Variants in MVB12B observed in about 807,000 individuals in gnomAD.
The protein encoded by MVB12B is multivesicular body subunit 12B.
In MVB12B, 16 loss-of-function variants were observed where a neutral mutation model predicts 41.6. The ratio of observed to expected loss-of-function variants is 0.38; its 90% CI spans 0.26 to 0.58. MVB12B has a LOEUF of 0.58. Among genes scored for constraint, MVB12B ranks in the 20% least tolerant of loss-of-function variants. MVB12B has a pLI of 0.62. For missense variants in MVB12B, 274 were observed against 380.2 expected, an observed-to-expected ratio of 0.72 and a Z score of 2.32; for synonymous variants, 133 against 139.7, an observed-to-expected ratio of 0.95 and a Z score of 0.34.
At chr9:126,422,783 A>G (rs1188446583) in intron 7 of MVB12B, among the ~76,000 whole-genome samples, 1 of 152,228 alleles carries the variant, frequency 6.6e-6, no homozygotes, top group African/African-American at 2.4e-5. Context: ...TTGCAACTAC[A>G]GGTTACTAAA....
At chr9:126,339,956 G>A (rs1054226959) in intron 1 of MVB12B, among the ~76,000 whole-genome samples, 2 of 152,174 alleles carry the variant, frequency 1.3e-5, no homozygotes, top group Admixed American at 6.5e-5. Context: ...TCACCAGCTA[G>A]TCAGTCATGG....
intron 7 of MVB12B, among the ~76,000 whole-genome samples, chr9:126,453,810 TCA>T (rs1832928377): frequency 6.6e-6 from 1 of 152,108 alleles, no homozygotes; most frequent in South Asian, 2.1e-4. Flanking sequence ...GTGTGCATGC[TCA>T]CATGTGTGCA....
At chr9:126,488,100 G>A (rs1469381146) in intron 9 of MVB12B, among the ~76,000 whole-genome samples, 2 of 152,164 alleles carry the variant, frequency 1.3e-5, no homozygotes, top group Admixed American at 6.5e-5. Context: ...ACTCGGCATT[G>A]CTCGTGGGAG....
chr9:126,456,270 A>G (rs1170960911), intron 7 of MVB12B, among the ~76,000 whole-genome samples: 2 of 152,230 alleles, frequency 1.3e-5, no homozygotes. Flanking sequence ...CCTCCAAGAT[A>G]TTCCCAAATC....
At chr9:126,412,129 G>A (rs1831669205) in intron 6 of MVB12B, among the ~76,000 whole-genome samples, 1 of 152,208 alleles carries the variant, frequency 6.6e-6, no homozygotes. Flanking sequence ...CGCTCTAGAA[G>A]GTGCTTATTA....
At chr9:126,453,709 C>T (rs963367444) in intron 7 of MVB12B, among the ~76,000 whole-genome samples, 2 of 152,218 alleles carry the variant, frequency 1.3e-5, no homozygotes, top group African/African-American at 4.8e-5. Flanking sequence ...CATACACTCA[C>T]GTGTGGCACA....
chr9:126,417,112 A>C (rs1313672849), intron 6 of MVB12B, among the ~76,000 whole-genome samples: 4 of 152,128 alleles, frequency 2.6e-5, no homozygotes, highest in East Asian at 3.9e-4. Context: ...AATGCAGGGG[A>C]AGCTATTTGC....
chr9:126,465,133 C>A (rs375959555), intron 7 of MVB12B, among the ~76,000 whole-genome samples: 2 of 152,290 alleles, frequency 1.3e-5, no homozygotes, highest in East Asian at 3.9e-4. Flanking sequence ...AATCAGCTGT[C>A]ATGTAGGATG....
At position 126,395,550 on chromosome 9, in the gene MVB12B, T is replaced by A; in HGVS notation, c.540-25T>A. On this transcript the variant is annotated intron_variant, in intron 5 of 9. Transcript: ENST00000361171. This position sits in a 1 kb window ranked among gnomAD's most constrained non-coding sequence, Gnocchi z 4.9. Reference sequence around the variant, plus strand: ...AAATGCTTTGTGCTAACCAGAGCCATGAAGATTTCTCTTTTTTCCTAAAGG... The same window carrying A: ...AAATGCTTTGTGCTAACCAGAGCCAAGAAGATTTCTCTTTTTTCCTAAAGG... 6.2e-7 allele frequency: 1 copy of A among 1,613,956 alleles called. No homozygotes were observed. Among genetic ancestry groups the A allele is most frequent in the Non-Finnish European group, 8.5e-7 (1 of 1,179,858 alleles).
At chr9:126,336,586 A>C (rs1829283841) in intron 1 of MVB12B, among the ~76,000 whole-genome samples, 1 of 152,220 alleles carries the variant, frequency 6.6e-6, no homozygotes, top group Admixed American at 6.5e-5. Context: ...CTGCAGGCAG[A>C]AGCTGGAAGC....
intron 6 of MVB12B, among the ~76,000 whole-genome samples, chr9:126,401,378 G>A (rs968181136): frequency 3.9e-5 from 6 of 152,210 alleles, no homozygotes; most frequent in Non-Finnish European, 5.9e-5. Flanking sequence ...TCGGAAGTAT[G>A]TTTCTTAGTG....
At chr9:126,365,333 T>TC (rs1178180729) in intron 2 of MVB12B, among the ~76,000 whole-genome samples, 2 of 11,944 alleles carry the variant, frequency 1.7e-4, no homozygotes, top group African/African-American at 7.4e-4. Flanking sequence ...CCAAAGTGTC[T>TC]TTTTTTTTTT....
chr9:126,363,643 C>T lies in MVB12B; in HGVS notation c.205-17421C>T, dbSNP rs192981789. Among the ~76,000 whole-genome samples the T allele has an allele frequency of 5.9e-5, 9 of 152,310 alleles. No homozygotes were observed. The East Asian group carries it at 1.7e-3, about 29-fold the overall frequency. On this transcript the variant is annotated intron_variant, in intron 2 of 9. Coordinates refer to ENST00000361171, the MANE Select transcript of MVB12B (RefSeq NM_033446.3). ...ACTTACAGGCAAATTCGTTGTTTTA[C>T]TTACCACCAAGCGCTGAGCACCTAG...
chr9:126,449,219 C>T (rs762881004), intron 7 of MVB12B, among the ~76,000 whole-genome samples: 19 of 152,324 alleles, frequency 1.2e-4, no homozygotes, highest in African/African-American at 3.6e-4. Context: ...TCAGAGCACA[C>T]GGGGCCCCCA....
At chr9:126,487,911 G>C (rs781665487) in intron 9 of MVB12B, among the ~76,000 whole-genome samples, 1 of 152,210 alleles carries the variant, frequency 6.6e-6, no homozygotes, top group Non-Finnish European at 1.5e-5. Context: ...GCAGTGGAGA[G>C]CTCCACAGAG....
chr9:126,418,880 C>T (rs1388385490), intron 6 of MVB12B, among the ~76,000 whole-genome samples: 3 of 152,214 alleles, frequency 2.0e-5, no homozygotes, highest in Non-Finnish European at 4.4e-5. Flanking sequence ...CTTGAGTCTT[C>T]CCGCCTTCCA....
At chr9:126,341,966 C>T (rs1031159112) in intron 2 of MVB12B, among the ~76,000 whole-genome samples, 1 of 152,200 alleles carries the variant, frequency 6.6e-6, no homozygotes, top group African/African-American at 2.4e-5. Flanking sequence ...AGCTCATAAA[C>T]ATTTTAAAAG....
At chr9:126,450,759 T>G (rs1832873647) in intron 7 of MVB12B, among the ~76,000 whole-genome samples, 1 of 152,202 alleles carries the variant, frequency 6.6e-6, no homozygotes, top group African/African-American at 2.4e-5. Flanking sequence ...GAGAGCTCAG[T>G]CAACTTGCCC....
chr9:126,411,934 T>C lies in MVB12B; in HGVS notation c.663-9920T>C, dbSNP rs767912899. Among the ~76,000 whole-genome samples, 4 of 152,294 alleles carry C rather than the reference T, an allele frequency of 2.6e-5. No homozygotes were observed. The East Asian group carries it at 7.7e-4, about 29-fold the overall frequency. The stretch of plus-strand genomic sequence containing the variant: ...AGCAGGAATCCTGGCTGTGAAGTCA[T>C]TGAGGAGGATTCGAGTGTTAGTCAG... On this transcript the variant is annotated intron_variant, in intron 6 of 9. Coordinates refer to ENST00000361171, the MANE Select transcript of MVB12B (RefSeq NM_033446.3).
Sources: allele counts gnomAD v4.1 joint callset (sites outside exome capture counted in the v4.1 genomes callset), GRCh38; gene constraint gnomAD v4.1.1; non-coding constraint Gnocchi (gnomAD v3.1); transcripts MANE v1.5; gene names NCBI Gene and HGNC (gene_info 2026-07-23, HGNC 2026-07-21).